UNC13C: variants seen among roughly 807,000 people sequenced by gnomAD.
UNC13C encodes the protein protein unc-13 homolog C.
A neutral mutation model predicts 245.4 loss-of-function variants in UNC13C; 174 were observed. The ratio of observed to expected loss-of-function variants is 0.71; its 90% CI spans 0.63 to 0.80. UNC13C has a LOEUF of 0.80. UNC13C is among the 30% of genes least tolerant of loss of function. UNC13C has a pLI of 0.00. For missense variants in UNC13C, 2,829 were observed against 2,602.9 expected, an observed-to-expected ratio of 1.09 and a Z score of -1.89; for synonymous variants, 992 against 895.1, an observed-to-expected ratio of 1.11 and a Z score of -1.93.
chr15:54,515,771 T>C lies in UNC13C; in HGVS notation c.5457+3941T>C, dbSNP rs149184118. Among the ~76,000 whole-genome samples, 119 of 152,302 alleles carry C rather than the reference T, an allele frequency of 7.8e-4. 1 individual carries two copies. The highest frequency in any genetic ancestry group is 7.8e-4 in the Admixed American group (12 of 15,292). On this transcript the variant is annotated intron_variant, in intron 24 of 32. Coordinates refer to ENST00000260323, the MANE Select transcript of UNC13C (RefSeq NM_001080534.3). Reference sequence around the variant, plus strand: ...AAGACATTCAGGGAAAAAGGAGGGTTCGTTTGTTCAGCTAAATTATTTTCA... The same window carrying C: ...AAGACATTCAGGGAAAAAGGAGGGTCCGTTTGTTCAGCTAAATTATTTTCA...
At chr15:54,069,636 T>C (rs1208573620) in intron 2 of UNC13C, among the ~76,000 whole-genome samples, 1 of 152,202 alleles carries the variant, frequency 6.6e-6, no homozygotes, top group Non-Finnish European at 1.5e-5. Context: ...GGCCATGTAC[T>C]TGGAGAGGTA....
intron 18 of UNC13C, among the ~76,000 whole-genome samples, chr15:54,400,213 G>A (rs931622860): frequency 6.6e-6 from 1 of 152,012 alleles, no homozygotes; most frequent in South Asian, 2.1e-4. Flanking sequence ...CCCTGGTATT[G>A]TGTAATCCCT....
chr15:54,550,565 T>G (rs1896690888), intron 28 of UNC13C, among the ~76,000 whole-genome samples: 1 of 152,190 alleles, frequency 6.6e-6, no homozygotes, highest in African/African-American at 2.4e-5. Context: ...TATAATTATT[T>G]ACTGAGGTAA....
chr15:54,169,425 T>A (rs1272667151), intron 4 of UNC13C, among the ~76,000 whole-genome samples: 1 of 152,204 alleles, frequency 6.6e-6, no homozygotes. Flanking sequence ...ATTTTGCCCA[T>A]TACTAACCAT....
At chr15:54,502,667 T>C (rs1894279978) in intron 22 of UNC13C, among the ~76,000 whole-genome samples, 1 of 152,162 alleles carries the variant, frequency 6.6e-6, no homozygotes, top group Non-Finnish European at 1.5e-5. Flanking sequence ...TCACGTACTA[T>C]TCTTGGAATT....
In UNC13C at chr15:53,986,141, C is replaced by T. The variant is rs181831648; in HGVS notation, c.-257+7214C>T. On this transcript the variant is annotated intron_variant, in intron 1 of 32. Coordinates refer to ENST00000260323, the MANE Select transcript of UNC13C (RefSeq NM_001080534.3). ...CTTCAAGACAGGAGGCAGTGTGCCTCATTATAGACAAGTACACTCACCTGT... is the reference window on the plus strand; with the variant it reads ...CTTCAAGACAGGAGGCAGTGTGCCTTATTATAGACAAGTACACTCACCTGT... 3.9e-3 allele frequency among the ~76,000 whole-genome samples: 588 copies of T among 152,140 alleles called. 3 individuals are homozygous for T. The highest frequency in any genetic ancestry group is 6.8e-3 in the Admixed American group (104 of 15,256).
chr15:54,097,791 A>T (rs1899949495), intron 2 of UNC13C, among the ~76,000 whole-genome samples: 1 of 152,208 alleles, frequency 6.6e-6, no homozygotes, highest in South Asian at 2.1e-4. Flanking sequence ...TAGATGATTG[A>T]TCGCTAAGAG....
chr15:54,067,273 G>A (rs1425772263), intron 2 of UNC13C, among the ~76,000 whole-genome samples: 2 of 152,108 alleles, frequency 1.3e-5, no homozygotes, highest in Admixed American at 1.3e-4. Context: ...TATTTAAAAT[G>A]TCTTTTAATC....
chr15:53,841,448 T>C, the UNC13C span, among the ~76,000 whole-genome samples: 4 of 152,296 alleles, frequency 2.6e-5, no homozygotes, highest in South Asian at 8.3e-4. Context: ...TTCTGCACTT[T>C]TACTGAATAT....
intron 2 of UNC13C, among the ~76,000 whole-genome samples, chr15:54,095,229 C>T (rs1469968528): frequency 1.3e-5 from 2 of 152,180 alleles, no homozygotes; most frequent in African/African-American, 2.4e-5. Context: ...CTAGGACATA[C>T]AACATACAAA....
chr15:54,547,894 G>A (rs933773015), intron 27 of UNC13C, among the ~76,000 whole-genome samples: 5 of 152,148 alleles, frequency 3.3e-5, no homozygotes, highest in African/African-American at 1.2e-4. Context: ...AGGAATGTCA[G>A]TATAATCTGG....
intron 32 of UNC13C, among the ~76,000 whole-genome samples, chr15:54,624,803 C>T (rs777120194): frequency 6.6e-6 from 1 of 151,882 alleles, no homozygotes; most frequent in East Asian, 1.9e-4. Context: ...GAGTAATTCC[C>T]GAAAACACTC....
intron 2 of UNC13C, among the ~76,000 whole-genome samples, chr15:54,088,072 A>G (rs1443343067): frequency 6.6e-6 from 1 of 151,880 alleles, no homozygotes; most frequent in Non-Finnish European, 1.5e-5. Context: ...ATATATATAT[A>G]TCTTGATTTT....
chr15:54,547,436 A>G (rs576032362), intron 27 of UNC13C, among the ~76,000 whole-genome samples: 1 of 152,320 alleles, frequency 6.6e-6, no homozygotes, highest in South Asian at 2.1e-4. Flanking sequence ...CTGTTCACAT[A>G]TCCTGAGCCA....
chr15:54,125,192 A>G (rs7164906), intron 2 of UNC13C, among the ~76,000 whole-genome samples: 58,307 of 151,842 alleles, frequency 0.38, 11,309 homozygotes, highest in African/African-American at 0.42. Flanking sequence ...GGCCGGGCAC[A>G]GTGGCTCACA....
the UNC13C span, among the ~76,000 whole-genome samples, chr15:53,932,508 C>G: frequency 6.6e-6 from 1 of 152,088 alleles, no homozygotes; most frequent in Non-Finnish European, 1.5e-5. Context: ...AAAGTGTTAA[C>G]AAGAAAATGA....
chr15:53,949,323 C>G, the UNC13C span, among the ~76,000 whole-genome samples: 1 of 152,090 alleles, frequency 6.6e-6, no homozygotes, highest in African/African-American at 2.4e-5. Context: ...GGGTGGGAGA[C>G]TTGCAGCTGT....
intron 24 of UNC13C, among the ~76,000 whole-genome samples, chr15:54,514,738 TAA>T (rs1894894777): frequency 6.6e-6 from 1 of 152,138 alleles, no homozygotes; most frequent in South Asian, 2.1e-4. Flanking sequence ...CCCCTGGAAA[TAA>T]AAAGAGTGTT....
At chr15:54,267,090 T>C (rs1177830026) in intron 10 of UNC13C, among the ~76,000 whole-genome samples, 1 of 152,070 alleles carries the variant, frequency 6.6e-6, no homozygotes, top group Non-Finnish European at 1.5e-5. Flanking sequence ...TTTTGGTTAA[T>C]GACAACAGAG....
Sources: allele counts gnomAD v4.1 joint callset (sites outside exome capture counted in the v4.1 genomes callset), GRCh38; gene constraint gnomAD v4.1.1; transcripts MANE v1.5; gene names NCBI Gene and HGNC (gene_info 2026-07-23, HGNC 2026-07-21).